The following INPP4B variants were observed in gnomAD, a reference collection of about 807,000 sequenced individuals.
INPP4B encodes the protein inositol polyphosphate-4-phosphatase type II B.
In INPP4B, 55 loss-of-function variants were observed where a neutral mutation model predicts 122.5. That is an observed-to-expected ratio of 0.45 (90% confidence interval 0.36 to 0.56). INPP4B has a LOEUF of 0.56. Ranked by LOEUF, INPP4B falls within the 20% of genes least tolerant of loss-of-function variation. INPP4B has a pLI of 0.00. For missense variants in INPP4B, 1,000 were observed against 1,097.7 expected, an observed-to-expected ratio of 0.91 and a Z score of 1.26; for synonymous variants, 403 against 388.7, an observed-to-expected ratio of 1.04 and a Z score of -0.43.
intron 15 of INPP4B, among the ~76,000 whole-genome samples, chr4:142,185,946 A>C (rs1833032358): frequency 2.0e-5 from 3 of 151,426 alleles, no homozygotes; most frequent in Admixed American, 2.0e-4. Flanking sequence ...GTAGGAATTT[A>C]TCTAGAAGAA....
intron 25 of INPP4B, 150 bp from the exon 26 acceptor site, chr4:142,029,064 T>C (rs747267637): frequency 2.9e-6 from 4 of 1,401,046 alleles, no homozygotes; most frequent in Non-Finnish European, 3.7e-6. Flanking sequence ...TGATACATCT[T>C]ACAAAATTAA....
intron 21 of INPP4B, among the ~76,000 whole-genome samples, chr4:142,116,647 G>C (rs1793642493): frequency 6.6e-6 from 1 of 152,136 alleles, no homozygotes; most frequent in African/African-American, 2.4e-5. Context: ...AGAATCTCTG[G>C]ACACATTTAA....
intron 1 of INPP4B, among the ~76,000 whole-genome samples, chr4:142,760,366 G>A (rs1385208385): frequency 1.3e-5 from 2 of 152,094 alleles, no homozygotes; most frequent in Non-Finnish European, 2.9e-5. Context: ...ACTAAAATCA[G>A]AGATCTTGGT....
chr4:142,290,305 C>A (rs1375501557), intron 9 of INPP4B, among the ~76,000 whole-genome samples: 2 of 134,884 alleles, frequency 1.5e-5, no homozygotes, highest in African/African-American at 5.6e-5. Context: ...TACCCAGGTT[C>A]AAGCGATTCT....
At chr4:142,314,565 A>G in intron 8 of INPP4B, 147 bp downstream of exon 8, 1 of 726,028 alleles carries the variant, frequency 1.4e-6, no homozygotes, top group Non-Finnish European at 2.3e-6. Context: ...AATTCAGCAA[A>G]TATGTGACAG....
intron 25 of INPP4B, chr4:142,029,268 A>T (rs1738303421): frequency 1.0e-6 from 1 of 994,894 alleles, no homozygotes; most frequent in Non-Finnish European, 1.2e-6. Context: ...TTTAAAACAC[A>T]TTAAAATCTA....
chr4:142,338,862 C>T (rs371280909), intron 7 of INPP4B, among the ~76,000 whole-genome samples: 10 of 152,220 alleles, frequency 6.6e-5, no homozygotes, highest in South Asian at 6.2e-4. Context: ...CACTGGAGCA[C>T]GGGCTCTGTG....
intron 16 of INPP4B, among the ~76,000 whole-genome samples, chr4:142,165,244 G>C (rs200668429): frequency 1.0e-3 from 1 of 958 alleles, no homozygotes; most frequent in Non-Finnish European, 5.6e-3. Flanking sequence ...AGTATCATTA[G>C]TACTCAGAGT....
intron 2 of INPP4B, 57 bp downstream of exon 2, chr4:142,725,782 C>G (rs1212490594): frequency 1.3e-5 from 5 of 397,220 alleles, no homozygotes; most frequent in Non-Finnish European, 2.2e-5. Context: ...GGAAAGTCAA[C>G]TAGTTTCATG....
intron 11 of INPP4B, among the ~76,000 whole-genome samples, chr4:142,258,278 A>G (rs983258382): frequency 6.6e-6 from 1 of 152,192 alleles, no homozygotes; most frequent in Non-Finnish European, 1.5e-5. Flanking sequence ...ATTACCATTC[A>G]GGACACAGGC....
chr4:142,207,439 T>C (rs1843014209), intron 14 of INPP4B, among the ~76,000 whole-genome samples: 3 of 152,216 alleles, frequency 2.0e-5, no homozygotes, highest in Admixed American at 2.0e-4. Flanking sequence ...GTTTTAACCT[T>C]TCTAAACCTG....
At chr4:142,063,204 T>A (rs2152446244) in intron 25 of INPP4B, among the ~76,000 whole-genome samples, 1 of 152,300 alleles carries the variant, frequency 6.6e-6, no homozygotes, top group South Asian at 2.1e-4. Context: ...GTAGCAACTT[T>A]CTTTCTTAGC....
At chr4:142,130,973 A>G (rs1800970960) in intron 18 of INPP4B, among the ~76,000 whole-genome samples, 1 of 152,232 alleles carries the variant, frequency 6.6e-6, no homozygotes. Context: ...ATTTCGTAGC[A>G]CAAAATTGAA....
intron 7 of INPP4B, among the ~76,000 whole-genome samples, chr4:142,378,973 G>C (rs998058547): frequency 6.6e-6 from 1 of 152,142 alleles, no homozygotes; most frequent in Non-Finnish European, 1.5e-5. Flanking sequence ...CCTGAGTGGG[G>C]TAGGGGGTGC....
chr4:142,548,149 A>G (rs1727063181), intron 2 of INPP4B, among the ~76,000 whole-genome samples: 1 of 152,188 alleles, frequency 6.6e-6, no homozygotes, highest in Non-Finnish European at 1.5e-5. Context: ...CTTCTGTACA[A>G]TAGAGGCAGA....
intron 2 of INPP4B, among the ~76,000 whole-genome samples, chr4:142,691,833 G>A (rs968891357): frequency 7.2e-5 from 11 of 152,144 alleles, no homozygotes; most frequent in Non-Finnish European, 1.6e-4. Flanking sequence ...CAAAAGGCTT[G>A]AGTTCCACTT....
intron 1 of INPP4B, chr4:142,795,282 CTG>C (rs1393872387): frequency 7.2e-5 from 11 of 151,860 alleles, no homozygotes. Context: ...AGCAAGGAAA[CTG>C]TAGCCACAAA....
chr4:142,540,784 GCACACACACATAAA>G (rs1374421381), intron 2 of INPP4B, among the ~76,000 whole-genome samples: 4 of 151,860 alleles, frequency 2.6e-5, no homozygotes, highest in African/African-American at 9.7e-5. Context: ...TATTCTACAT[GCACACACACATAAA>G]CACACACACA....
At chr4:142,806,093 C>T (rs937432077) in intron 1 of INPP4B, among the ~76,000 whole-genome samples, 2 of 151,866 alleles carry the variant, frequency 1.3e-5, no homozygotes, top group African/African-American at 4.8e-5. Flanking sequence ...TCCTGTCTAA[C>T]ACGGTGAAAC....
Sources: allele counts gnomAD v4.1 joint callset (sites outside exome capture counted in the v4.1 genomes callset), GRCh38; gene constraint gnomAD v4.1.1; transcripts MANE v1.5; gene names NCBI Gene and HGNC (gene_info 2026-07-23, HGNC 2026-07-21).